SLCO5A1: variants seen among roughly 807,000 people sequenced by gnomAD.
SLCO5A1 encodes the protein solute carrier organic anion transporter family member 5A1.
Under a neutral mutation model 65.1 loss-of-function variants are expected in SLCO5A1, and 39 were observed. The observed-to-expected ratio is 0.60, with a 90% CI of 0.46 to 0.78. SLCO5A1 has a LOEUF of 0.78. Among genes scored for constraint, SLCO5A1 ranks in the 30% least tolerant of loss-of-function variants. The probability of loss-of-function intolerance (pLI) is 0.00; values close to 1 mark genes in which losing one functional copy is unlikely to be tolerated. For missense variants in SLCO5A1, 1,029 were observed against 1,069.4 expected, an observed-to-expected ratio of 0.96 and a Z score of 0.53; for synonymous variants, 438 against 415.7, an observed-to-expected ratio of 1.05 and a Z score of -0.65.
chr8:69,812,971 A>T (rs1820268504), intron 2 of SLCO5A1, among the ~76,000 whole-genome samples: 1 of 152,228 alleles, frequency 6.6e-6, no homozygotes, highest in Non-Finnish European at 1.5e-5. Flanking sequence ...AGTTCAAATC[A>T]GGACACATTC....
At chr8:69,749,135 A>T (rs1039746347) in intron 4 of SLCO5A1, among the ~76,000 whole-genome samples, 1 of 152,148 alleles carries the variant, frequency 6.6e-6, no homozygotes, top group Non-Finnish European at 1.5e-5. Context: ...TTCATACTAT[A>T]CTTGTTCCAA....
intron 2 of SLCO5A1, among the ~76,000 whole-genome samples, chr8:69,784,797 GAAAGAAAGAAAGAA>G (rs1327809279): frequency 2.1e-5 from 2 of 96,312 alleles, no homozygotes; most frequent in Admixed American, 1.3e-4. Flanking sequence ...GAAAAAAAAA[GAAAGAAAGAAAGAA>G]AAAGAAAGAA....
intron 2 of SLCO5A1, among the ~76,000 whole-genome samples, chr8:69,814,628 G>A (rs907016484): frequency 1.2e-4 from 19 of 152,222 alleles, no homozygotes; most frequent in East Asian, 5.8e-4. Context: ...TAGAATTACC[G>A]TATGATCCAG....
At chr8:69,709,604 A>C (rs1211147715) in intron 5 of SLCO5A1, among the ~76,000 whole-genome samples, 1 of 152,246 alleles carries the variant, frequency 6.6e-6, no homozygotes, top group Non-Finnish European at 1.5e-5. Flanking sequence ...CACTGATTGC[A>C]TTCTGGCATA....
Position 69,825,845 on chromosome 8 carries a change from A to C in SLCO5A1, c.907+5922T>G, listed in dbSNP as rs1586840921. Among the ~76,000 whole-genome samples the C allele has an allele frequency of 3.9e-5, 6 of 152,308 alleles. No individual in the cohort carries two copies. The South Asian group carries it at 1.2e-3, about 32-fold the overall frequency. The stretch of plus-strand genomic sequence containing the variant: ...AAGTCAATCCTAAGCCAAAAGAACA[A>C]AGCTGGAGGCATCACACTACCTGAC... On this transcript the variant is annotated intron_variant, in intron 2 of 9. Transcript: ENST00000260126.
intron 9 of SLCO5A1, among the ~76,000 whole-genome samples, chr8:69,674,184 CAT>C (rs1233516014): frequency 6.6e-6 from 1 of 152,188 alleles, no homozygotes; most frequent in African/African-American, 2.4e-5. Flanking sequence ...TTAACTATCA[CAT>C]AGCATTTTAA....
chr8:69,747,144 C>G (rs1817069754), intron 4 of SLCO5A1, among the ~76,000 whole-genome samples: 1 of 152,182 alleles, frequency 6.6e-6, no homozygotes, highest in Non-Finnish European at 1.5e-5. Context: ...TGATGCTCCC[C>G]CTGTGGCCCT....
chr8:69,774,786 T>C (rs1818491019), intron 2 of SLCO5A1, among the ~76,000 whole-genome samples: 1 of 152,214 alleles, frequency 6.6e-6, no homozygotes, highest in African/African-American at 2.4e-5. Flanking sequence ...CTCTTGTATG[T>C]GTTTGGTGAC....
At chr8:69,772,569 G>C (rs574941478) in intron 2 of SLCO5A1, among the ~76,000 whole-genome samples, 5 of 37,434 alleles carry the variant, frequency 1.3e-4, no homozygotes, top group Admixed American at 1.2e-3. Context: ...GAGGAGAAAG[G>C]AAAGGAAAGG....
At chr8:69,713,904 C>T (rs991369608) in intron 5 of SLCO5A1, 2 of 152,136 alleles carry the variant, frequency 1.3e-5, no homozygotes, top group Admixed American at 1.3e-4. Context: ...ATAATTTTAC[C>T]CTTTTGAGCT....
chr8:69,701,471 TAC>T (rs1814732767), intron 6 of SLCO5A1, among the ~76,000 whole-genome samples: 1 of 152,176 alleles, frequency 6.6e-6, no homozygotes, highest in African/African-American at 2.4e-5. Context: ...AGAAACATTT[TAC>T]AGTCTATTCT....
At chr8:69,676,534 AT>A in intron 9 of SLCO5A1, 74 bp downstream of exon 9, 1 of 1,310,470 alleles carries the variant, frequency 7.6e-7, no homozygotes, top group South Asian at 1.2e-5. Context: ...ATGACTTGCC[AT>A]TTTTAAAGGA....
At position 69,673,255 on chromosome 8, in the gene SLCO5A1, C is replaced by G. The variant is rs778213039; in HGVS notation, c.2161G>C (p.Gly721Arg). ...TTCMLWQQEC[G>R]VQGSCWEYNV... is the part of the protein sequence containing the mutation. The stretch of plus-strand genomic sequence containing the variant: ...TACTCCCAGCAAGAACCCTGCACAC[C>G]ACATTCCTGTTGCCAGAGCATGCAG... The change falls in exon 10 of 10, where the codon GGT becomes CGT. Residue 721 changes from glycine (G) to arginine (R), a missense_variant. Around this residue, in one of 3 missense-constraint regions of SLCO5A1, gnomAD observed 258 missense variants for 237.4 expected, o/e 1.09. Coordinates refer to ENST00000260126, the MANE Select transcript of SLCO5A1 (RefSeq NM_030958.3). 5 of 1,614,084 alleles carry G rather than the reference C, an allele frequency of 3.1e-6. No homozygotes were observed. Among genetic ancestry groups the G allele is most frequent in the Non-Finnish European group, 4.2e-6 (5 of 1,180,054 alleles).
intron 8 of SLCO5A1, among the ~76,000 whole-genome samples, chr8:69,678,828 T>C (rs1447261242): frequency 6.7e-6 from 1 of 149,058 alleles, no homozygotes; most frequent in Non-Finnish European, 1.5e-5. Flanking sequence ...GAAATCACAT[T>C]CCCCAATATG....
intron 9 of SLCO5A1, among the ~76,000 whole-genome samples, chr8:69,676,043 A>G (rs775244680): frequency 5.3e-5 from 8 of 152,260 alleles, no homozygotes; most frequent in Non-Finnish European, 1.2e-4. Context: ...TCTGTGGTTT[A>G]TCACATGGAC....
chr8:69,715,801 T>A (rs1004716333), intron 5 of SLCO5A1, among the ~76,000 whole-genome samples: 1 of 152,112 alleles, frequency 6.6e-6, no homozygotes, highest in African/African-American at 2.4e-5. Context: ...TTGTGTTTCT[T>A]TTTTTTAATT....
At chr8:69,738,638 T>G (rs1816669233) in intron 4 of SLCO5A1, among the ~76,000 whole-genome samples, 1 of 152,246 alleles carries the variant, frequency 6.6e-6, no homozygotes. Flanking sequence ...AATATTATTA[T>G]GTAGCTATTC....
intron 2 of SLCO5A1, among the ~76,000 whole-genome samples, chr8:69,804,754 C>T (rs184354978): frequency 5.9e-5 from 9 of 152,284 alleles, no homozygotes; most frequent in African/African-American, 2.2e-4. Flanking sequence ...AAGCAGGAGG[C>T]TACCCACTCC....
At chr8:69,735,657 G>A (rs978220439) in intron 5 of SLCO5A1, among the ~76,000 whole-genome samples, 4 of 152,126 alleles carry the variant, frequency 2.6e-5, no homozygotes, top group East Asian at 3.9e-4. Flanking sequence ...AACACACACT[G>A]GGGTCTGTTG....
Sources: gnomAD v4.1 joint callset for allele counts (sites outside exome capture counted in the v4.1 genomes callset) on GRCh38, gnomAD v4.1.1 for gene constraint, gnomAD v4.1.1 regional missense constraint, MANE v1.5 for transcripts, NCBI Gene and HGNC (gene_info 2026-07-23, HGNC 2026-07-21) for gene names.